Variants in ATXN10 observed in about 807,000 individuals in gnomAD.
The protein encoded by ATXN10 is ataxin 10, also known as ataxin-10.
In ATXN10, 28 loss-of-function variants were observed where a neutral mutation model predicts 52.9. That is an observed-to-expected ratio of 0.53 (90% confidence interval 0.39 to 0.73). The LOEUF is 0.73. ATXN10 is among the 30% of genes least tolerant of loss of function. The pLI is 0.00. For missense variants in ATXN10, 565 were observed against 577.0 expected, an observed-to-expected ratio of 0.98 and a Z score of 0.21; for synonymous variants, 226 against 221.5, an observed-to-expected ratio of 1.02 and a Z score of -0.18.
chr22:45,743,017 C>T (rs1206359114), intron 9 of ATXN10, among the ~76,000 whole-genome samples: 2 of 152,226 alleles, frequency 1.3e-5, no homozygotes, highest in Non-Finnish European at 2.9e-5. Flanking sequence ...TGCAGTAACC[C>T]TTAAAAGGCT....
At chr22:45,811,667 C>T (rs1440397855) in intron 10 of ATXN10, 3 of 467,128 alleles carry the variant, frequency 6.4e-6, no homozygotes, top group African/African-American at 2.0e-5. Context: ...CTGTGATGTT[C>T]ACACAATGAT....
At chr22:45,713,555 T>C (rs538256547) in intron 5 of ATXN10, among the ~76,000 whole-genome samples, 1 of 152,310 alleles carries the variant, frequency 6.6e-6, no homozygotes, top group African/African-American at 2.4e-5. Flanking sequence ...GAATGGTACT[T>C]CCACCAAGAT....
chr22:45,671,981 C>T lies in ATXN10; in HGVS notation c.-83C>T. On this transcript the variant is annotated 5_prime_UTR_variant, in exon 1 of 12. Coordinates refer to ENST00000252934, the MANE Select transcript of ATXN10 (RefSeq NM_013236.4). ...CTCCCCCTTCCTCCTCGCCATCCTA[C>T]TCCTCCCTCCTCGTCATCCTCCCCC... 7.5e-6 allele frequency: 11 copies of T among 1,457,798 alleles called. No homozygotes were observed. Among genetic ancestry groups the T allele is most frequent in the South Asian group, 3.7e-5 (3 of 81,400 alleles). The allele number at this position is 1,457,798 out of a possible 1,614,324, so 90.3% of individuals were successfully genotyped here. A position where few individuals can be genotyped will look rare whatever the true frequency, so the allele number is the denominator to read the frequency against.
chr22:45,699,265 T>C (rs1010227078), intron 3 of ATXN10, among the ~76,000 whole-genome samples: 1 of 152,118 alleles, frequency 6.6e-6, no homozygotes, highest in Non-Finnish European at 1.5e-5. Flanking sequence ...TTTGTACCTG[T>C]CTGGAGTTTT....
intron 10 of ATXN10, among the ~76,000 whole-genome samples, chr22:45,810,875 C>G (rs1022117860): frequency 2.6e-5 from 4 of 152,084 alleles, no homozygotes; most frequent in Non-Finnish European, 5.9e-5. Context: ...CAAATAGCAC[C>G]TACTTGATAT....
rs946820768 is a variant in ATXN10 at position 45,671,950 on chromosome 22, C to T, written c.-114C>T. ...CGGCGGCGGTTAGGGCTGTGTAGGG[C>T]GAGGCCTCCCCCTTCCTCCTCGCCA... On this transcript the variant is annotated 5_prime_UTR_variant, in exon 1 of 12. Coordinates refer to ENST00000252934, the MANE Select transcript of ATXN10 (RefSeq NM_013236.4). 3 of 1,219,606 alleles carry T rather than the reference C, an allele frequency of 2.5e-6. No homozygotes were observed. Among genetic ancestry groups the T allele is most frequent in the Non-Finnish European group, 3.4e-6 (3 of 878,472 alleles). 75.5% of individuals were successfully genotyped at this position (1,219,606 alleles called of 1,614,324 possible).
At chr22:45,700,461 GA>G in intron 4 of ATXN10, 83 bp downstream of exon 4, 2 of 1,134,996 alleles carry the variant, frequency 1.8e-6, no homozygotes, top group Non-Finnish European at 1.3e-6. Flanking sequence ...TCGAAAACAG[GA>G]AAAAGTAACC....
chr22:45,730,344 CAAAAA>C (rs138162), intron 7 of ATXN10, among the ~76,000 whole-genome samples: 2 of 77,140 alleles, frequency 2.6e-5, no homozygotes, highest in African/African-American at 7.2e-5. Context: ...ACCCTTGTCT[CAAAAA>C]AAAAAAAAAA....
chr22:45,767,285 C>T (rs191248137), intron 9 of ATXN10, among the ~76,000 whole-genome samples: 9 of 152,008 alleles, frequency 5.9e-5, no homozygotes, highest in Admixed American at 1.3e-4. Context: ...ATATATTCTG[C>T]AGAGTGATCT....
rs1049484328 is a variant in ATXN10, at chr22:45,712,808, A to C, written c.648-5605A>C. On this transcript the variant is annotated intron_variant, in intron 5 of 11. Coordinates refer to ENST00000252934, the MANE Select transcript of ATXN10 (RefSeq NM_013236.4). The surrounding 1 kb of genome is among the most constrained non-coding windows in gnomAD (Gnocchi z 4.6). ...TTTAACCCGTTGGAAATGTTATTTA[A>C]CTCTTTTAACAGGAGAAGGGAGGTT... 6.6e-6 allele frequency among the ~76,000 whole-genome samples: 1 copy of C among 152,080 alleles called. No individual in the cohort carries two copies. Among genetic ancestry groups the C allele is most frequent in the Admixed American group, 6.6e-5 (1 of 15,264 alleles).
At chr22:45,751,848 T>G (rs1218012405) in intron 9 of ATXN10, among the ~76,000 whole-genome samples, 19 of 146,248 alleles carry the variant, frequency 1.3e-4, no homozygotes, top group Non-Finnish European at 2.1e-4. Context: ...ATTTAGTTTT[T>G]TTTTTTTTTT....
At chr22:45,686,777 C>A (rs1457630223) in intron 1 of ATXN10, among the ~76,000 whole-genome samples, 2 of 149,292 alleles carry the variant, frequency 1.3e-5, no homozygotes, top group South Asian at 4.2e-4. Flanking sequence ...TGAGATCACG[C>A]TACTGCACTC....
chr22:45,788,769 G>T (rs1229903213), intron 9 of ATXN10, among the ~76,000 whole-genome samples: 2 of 151,774 alleles, frequency 1.3e-5, no homozygotes, highest in Non-Finnish European at 2.9e-5. Flanking sequence ...TCCCACCTCA[G>T]CCTCCCTGGT....
rs1482812864 is a variant in ATXN10 at position 45,780,308 on chromosome 22, T to G, written c.1174-26651T>G. Among the ~76,000 whole-genome samples the G allele has an allele frequency of 6.6e-6, 1 of 152,236 alleles. No homozygotes were observed. The highest frequency in any genetic ancestry group is 2.4e-5 in the African/African-American group (1 of 41,466). ...CATGGTGGCCAGGCTGGTCTTGAAC[T>G]CCTGACCTCAAATGATCCACCCGCT... On this transcript the variant is annotated intron_variant, in intron 9 of 11. Coordinates refer to ENST00000252934, the MANE Select transcript of ATXN10 (RefSeq NM_013236.4). This position sits in a 1 kb window ranked among gnomAD's most constrained non-coding sequence, Gnocchi z 4.0.
At chr22:45,721,555 C>A (rs1440224682) in intron 6 of ATXN10, among the ~76,000 whole-genome samples, 2 of 152,140 alleles carry the variant, frequency 1.3e-5, no homozygotes, top group Non-Finnish European at 2.9e-5. Flanking sequence ...TAACCCAGGG[C>A]AAATACCTTA....
At chr22:45,740,723 T>TAG in intron 9 of ATXN10, 185 bp downstream of exon 9, 1 of 350,790 alleles carries the variant, frequency 2.9e-6, no homozygotes, top group Non-Finnish European at 5.0e-6. Context: ...CACACACATA[T>TAG]ATATACACAC....
chr22:45,735,646 G>T (rs1227746731), intron 7 of ATXN10, among the ~76,000 whole-genome samples: 1 of 151,990 alleles, frequency 6.6e-6, no homozygotes, highest in Non-Finnish European at 1.5e-5. Flanking sequence ...TAATGGACAG[G>T]AATAATTCTG....
intron 9 of ATXN10, among the ~76,000 whole-genome samples, chr22:45,794,611 A>C (rs538074654): frequency 1.3e-5 from 2 of 152,340 alleles, no homozygotes; most frequent in East Asian, 3.9e-4. Flanking sequence ...ATAAGAACAA[A>C]GATAAAAATG....
intron 10 of ATXN10, among the ~76,000 whole-genome samples, chr22:45,821,728 C>G (rs909469995): frequency 2.0e-5 from 3 of 152,128 alleles, no homozygotes; most frequent in African/African-American, 7.2e-5. Flanking sequence ...TGCTGTCTAC[C>G]TGATGCAACC....
Sources: allele counts gnomAD v4.1 joint callset (sites outside exome capture counted in the v4.1 genomes callset), GRCh38; gene constraint gnomAD v4.1.1; non-coding constraint Gnocchi (gnomAD v3.1); transcripts MANE v1.5; gene names NCBI Gene and HGNC (gene_info 2026-07-23, HGNC 2026-07-21).